Variants in NR2F1-AS1 observed in about 807,000 individuals in gnomAD.
NR2F1-AS1 encodes the protein NR2F1 antisense RNA 1.
rs559098798 is a variant in NR2F1-AS1, at chr5:93,562,117, G to A, written n.413+1247C>T. Among the ~76,000 whole-genome samples, 12 of 147,864 alleles carry A rather than the reference G, an allele frequency of 8.1e-5. No homozygotes were observed. The South Asian group carries it at 2.3e-3, about 29-fold the overall frequency. ...AATCCCAGCACTTTGGGAGGCCAAG[G>A]TGGGAGAATCGCTTCTGGCCAGGAG... On this transcript the variant is annotated intron_variant and non_coding_transcript_variant, in intron 2 of 5. Coordinates refer to ENST00000660523, the Ensembl canonical transcript of NR2F1-AS1.
intron 2 of NR2F1-AS1, among the ~76,000 whole-genome samples, chr5:93,558,512 G>C (rs1053168409): frequency 6.6e-6 from 1 of 152,012 alleles, no homozygotes; most frequent in Non-Finnish European, 1.5e-5. Context: ...AGTAGAGACA[G>C]GGTTTCACCA....
chr5:93,426,173 G>C (rs766561001), intron 4 of NR2F1-AS1, among the ~76,000 whole-genome samples: 18 of 151,406 alleles, frequency 1.2e-4, no homozygotes, highest in Non-Finnish European at 2.2e-4. Flanking sequence ...TCAGCCTCCT[G>C]AGTAGCTGGG....
intron 4 of NR2F1-AS1, among the ~76,000 whole-genome samples, chr5:93,491,167 T>A (rs1189382455): frequency 6.8e-6 from 1 of 147,552 alleles, no homozygotes; most frequent in African/African-American, 2.5e-5. Context: ...TGGTTGTGGT[T>A]ATGGTAGTGG....
At chr5:93,558,920 G>T (rs1752423207) in intron 2 of NR2F1-AS1, among the ~76,000 whole-genome samples, 1 of 152,204 alleles carries the variant, frequency 6.6e-6, no homozygotes, top group Non-Finnish European at 1.5e-5. Context: ...AGGCATGGAA[G>T]ATTTAGCATA....
intron 2 of NR2F1-AS1, among the ~76,000 whole-genome samples, chr5:93,556,117 T>C (rs886370102): frequency 6.6e-6 from 1 of 152,186 alleles, no homozygotes; most frequent in African/African-American, 2.4e-5. Flanking sequence ...TCCCATGTTC[T>C]TTCTGCTTCT....
intron 4 of NR2F1-AS1, among the ~76,000 whole-genome samples, chr5:93,474,827 G>T (rs2149872051): frequency 6.6e-6 from 1 of 152,294 alleles, no homozygotes; most frequent in African/African-American, 2.4e-5. Flanking sequence ...TCAGTCTATA[G>T]CAAAGATGAT....
chr5:93,585,491 A>G (rs747394434), upstream of NR2F1-AS1: 3 of 1,605,018 alleles, frequency 1.9e-6, no homozygotes, highest in African/African-American at 4.0e-5. Flanking sequence ...GGGAAGGTGA[A>G]TATTTCTTCT....
intron 2 of NR2F1-AS1, among the ~76,000 whole-genome samples, chr5:93,562,514 GA>G (rs1180320774): frequency 6.6e-6 from 1 of 152,014 alleles, no homozygotes; most frequent in Non-Finnish European, 1.5e-5. Context: ...GGCTAGTCTC[GA>G]ACTCCTGAGC....
intron 4 of NR2F1-AS1, among the ~76,000 whole-genome samples, chr5:93,424,797 C>T (rs1580211738): frequency 6.6e-6 from 1 of 152,038 alleles, no homozygotes; most frequent in South Asian, 2.1e-4. Context: ...TAAAAGTTTG[C>T]TTTAAAAATA....
chr5:93,552,246 G>A (rs7712581), intron 4 of NR2F1-AS1, among the ~76,000 whole-genome samples: 4,471 of 152,240 alleles, frequency 0.029, 211 homozygotes, highest in African/African-American at 0.1. Context: ...AGTGACAGAG[G>A]TCAGTAGAGG....
chr5:93,464,343 G>C (rs1488155083), intron 4 of NR2F1-AS1, among the ~76,000 whole-genome samples: 1 of 152,098 alleles, frequency 6.6e-6, no homozygotes, highest in South Asian at 2.1e-4. Context: ...TTTCTAAATT[G>C]CCCAGTCTTG....
At chr5:93,581,737 C>T (rs867607834), upstream of NR2F1-AS1, among the ~76,000 whole-genome samples, 535 of 22,474 alleles carry the variant, frequency 0.024, 80 homozygotes, top group African/African-American at 0.14. Context: ...TCTCTCTCCC[C>T]CTCTCCCTCT....
At chr5:93,463,195 C>A (rs984523410) in intron 4 of NR2F1-AS1, among the ~76,000 whole-genome samples, 2 of 152,172 alleles carry the variant, frequency 1.3e-5, no homozygotes, top group African/African-American at 4.8e-5. Flanking sequence ...GGAATTGGTG[C>A]CCTGTGTTCC....
chr5:93,518,583 T>C (rs545981939), intron 4 of NR2F1-AS1, among the ~76,000 whole-genome samples: 3 of 152,130 alleles, frequency 2.0e-5, no homozygotes, highest in Non-Finnish European at 2.9e-5. Flanking sequence ...TTTGCCTTCA[T>C]CTGTACTTCA....
chr5:93,537,715 T>A (rs1180468651), intron 4 of NR2F1-AS1, among the ~76,000 whole-genome samples: 4 of 152,094 alleles, frequency 2.6e-5, no homozygotes, highest in Admixed American at 2.6e-4. Context: ...TGTAAATTAG[T>A]AGTCATTATA....
intron 1 of NR2F1-AS1, among the ~76,000 whole-genome samples, chr5:93,572,507 C>T (rs1752794969): frequency 6.6e-6 from 1 of 152,168 alleles, no homozygotes; most frequent in Non-Finnish European, 1.5e-5. Context: ...GCTGGCTCCC[C>T]GTCCCTCCTC....
At chr5:93,440,046 T>C (rs1749529277) in intron 4 of NR2F1-AS1, among the ~76,000 whole-genome samples, 1 of 152,148 alleles carries the variant, frequency 6.6e-6, no homozygotes, top group Non-Finnish European at 1.5e-5. Flanking sequence ...AGATAAATAA[T>C]CAGATAAGTC....
chr5:93,566,270 T>A (rs868045656), intron 1 of NR2F1-AS1, among the ~76,000 whole-genome samples: 11 of 152,158 alleles, frequency 7.2e-5, no homozygotes, highest in African/African-American at 2.6e-4. Context: ...GATGTTCCTT[T>A]TTCCTTTCAG....
intron 4 of NR2F1-AS1, among the ~76,000 whole-genome samples, chr5:93,514,552 G>T (rs115225341): frequency 2.0e-5 from 3 of 151,992 alleles, no homozygotes; most frequent in Non-Finnish European, 4.4e-5. Context: ...GTATGTAAGC[G>T]CTGACATTAT....
Sources: gnomAD v4.1 joint callset for allele counts (sites outside exome capture counted in the v4.1 genomes callset) on GRCh38, gnomAD v4.1.1 for gene constraint, MANE v1.5 for transcripts, NCBI Gene and HGNC (gene_info 2026-07-23, HGNC 2026-07-21) for gene names.